NARS2: variants seen among roughly 807,000 people sequenced by gnomAD.
NARS2 encodes the protein asparaginyl-tRNA synthetase 2, mitochondrial.
Under a neutral mutation model 62.9 loss-of-function variants are expected in NARS2, and 60 were observed. That is an observed-to-expected ratio of 0.95 (90% CI 0.77 to 1.18). The LOEUF (loss-of-function observed/expected upper bound fraction) is 1.18, where lower values mean the gene tolerates loss of function less well. Ranked by LOEUF, NARS2 falls within the 50% of genes most tolerant of loss-of-function variation. The pLI is 0.00. For synonymous variants in NARS2, 196 were observed against 200.0 expected, an observed-to-expected ratio of 0.98 and a Z score of 0.17; for missense variants, 619 against 576.4, an observed-to-expected ratio of 1.07 and a Z score of -0.76.
chr11:78,482,714 G>T (rs1859408993), intron 7 of NARS2, among the ~76,000 whole-genome samples: 1 of 152,096 alleles, frequency 6.6e-6, no homozygotes, highest in Non-Finnish European at 1.5e-5. Context: ...TCCCTGAATA[G>T]ACCAATAACA....
At chr11:78,552,579 T>A (rs1039623596) in intron 5 of NARS2, among the ~76,000 whole-genome samples, 1 of 152,158 alleles carries the variant, frequency 6.6e-6, no homozygotes, top group Non-Finnish European at 1.5e-5. Context: ...TTCAAAGTCA[T>A]CCCTCTGCTC....
chr11:78,542,828 G>A (rs1326169692), intron 5 of NARS2, among the ~76,000 whole-genome samples: 1 of 151,846 alleles, frequency 6.6e-6, no homozygotes, highest in African/African-American at 2.4e-5. Context: ...GAGCTCAGGA[G>A]GTCAAGGCTG....
intron 5 of NARS2, chr11:78,555,162 G>A (rs1248183803): frequency 6.6e-6 from 1 of 152,152 alleles, no homozygotes; most frequent in Non-Finnish European, 1.5e-5. Flanking sequence ...CTGCATCAAT[G>A]TTCATCAAGG....
chr11:78,482,987 TTAATA>T (rs2135283174), intron 7 of NARS2, among the ~76,000 whole-genome samples: 1 of 152,294 alleles, frequency 6.6e-6, no homozygotes, highest in East Asian at 1.9e-4. Context: ...ACGAAAATCC[TTAATA>T]TAATACTGGC....
intron 11 of NARS2, among the ~76,000 whole-genome samples, chr11:78,464,971 C>T (rs1456662490): frequency 2.0e-5 from 3 of 152,256 alleles, no homozygotes; most frequent in African/African-American, 7.2e-5. Flanking sequence ...CATGCGCCTG[C>T]ACTCCTCAGC....
rs10751292 is a variant in NARS2 at position 78,531,155 on chromosome 11, C to A, written c.595-2219G>T. ...AAAGAAAAAAAATGAACAAAACTGT[C>A]AGAATCAATTGTGGGAACTCTCGAA... On this transcript the variant is annotated intron_variant, in intron 5 of 13. Transcript: ENST00000281038. Among the ~76,000 whole-genome samples the A allele has an allele frequency of 1.2e-3, 183 of 151,918 alleles. 1 individual carries two copies. Among genetic ancestry groups the A allele is most frequent in the Admixed American group, 3.7e-3 (57 of 15,274 alleles).
chr11:78,462,271 T>C (rs1036744232), intron 11 of NARS2, among the ~76,000 whole-genome samples: 5 of 152,210 alleles, frequency 3.3e-5, no homozygotes, highest in African/African-American at 9.6e-5. Flanking sequence ...TTTTGTAATA[T>C]AGGCTCAATA....
At chr11:78,453,387 T>C (rs1488519968) in intron 11 of NARS2, among the ~76,000 whole-genome samples, 1 of 152,116 alleles carries the variant, frequency 6.6e-6, no homozygotes. Flanking sequence ...CTGATTTCTA[T>C]TTATGACACT....
At chr11:78,521,284 T>G (rs1406837762) in intron 6 of NARS2, among the ~76,000 whole-genome samples, 1 of 151,670 alleles carries the variant, frequency 6.6e-6, no homozygotes, top group Non-Finnish European at 1.5e-5. Flanking sequence ...CTTGCCTTAC[T>G]CTCCCAAGTA....
intron 5 of NARS2, among the ~76,000 whole-genome samples, chr11:78,555,794 C>A (rs1856329990): frequency 6.6e-6 from 1 of 152,120 alleles, no homozygotes; most frequent in Admixed American, 6.6e-5. Flanking sequence ...TGAGAACTTT[C>A]TAACTTTTTG....
intron 5 of NARS2, among the ~76,000 whole-genome samples, chr11:78,543,037 G>C (rs888311402): frequency 6.6e-6 from 1 of 152,206 alleles, no homozygotes; most frequent in African/African-American, 2.4e-5. Context: ...AGTTAGCCAA[G>C]TACGGTGGTG....
chr11:78,517,048 G>A (rs1470958624), intron 6 of NARS2, among the ~76,000 whole-genome samples: 1 of 152,170 alleles, frequency 6.6e-6, no homozygotes, highest in Non-Finnish European at 1.5e-5. Flanking sequence ...ACAAAGGCAT[G>A]GCGAAAGCAA....
At position 78,477,250 on chromosome 11, in the gene NARS2, A is replaced by G. The variant is rs12791300; in HGVS notation, c.959+1188T>C. Among the ~76,000 whole-genome samples, 1,296 of 152,278 alleles carry G rather than the reference A, an allele frequency of 8.5e-3. 17 individuals are homozygous for G. Among genetic ancestry groups the G allele is most frequent in the Admixed American group, 0.015 (229 of 15,282 alleles). On this transcript the variant is annotated intron_variant, in intron 9 of 13. Transcript: ENST00000281038. ...ATATACTCATGCCCAAGACTGTCTT[A>G]TAAAACTCCAGACCCACACTTTCAG...
chr11:78,454,339 G>T (rs897381231), intron 11 of NARS2, among the ~76,000 whole-genome samples: 1 of 152,156 alleles, frequency 6.6e-6, no homozygotes, highest in Non-Finnish European at 1.5e-5. Flanking sequence ...TGGATCATGG[G>T]GGTGGCCTCC....
chr11:78,443,194 C>T (rs1192761884), intron 12 of NARS2, among the ~76,000 whole-genome samples: 3 of 151,730 alleles, frequency 2.0e-5, no homozygotes, highest in Admixed American at 2.0e-4. Context: ...GGCGTGGTGG[C>T]GGGCGCCTGT....
intron 5 of NARS2, among the ~76,000 whole-genome samples, chr11:78,556,147 T>C (rs75648356): frequency 0.033 from 4,947 of 149,368 alleles, 267 homozygotes; most frequent in African/African-American, 0.12. Flanking sequence ...AGAATGTATA[T>C]TGTCTATGCC....
intron 7 of NARS2, among the ~76,000 whole-genome samples, chr11:78,480,202 G>C (rs773174936): frequency 2.6e-5 from 4 of 152,106 alleles, no homozygotes; most frequent in Admixed American, 6.6e-5. Context: ...ACCTGGCCTA[G>C]TGGCATTTGC....
At chr11:78,534,356 G>A (rs1343933849) in intron 5 of NARS2, among the ~76,000 whole-genome samples, 1 of 152,128 alleles carries the variant, frequency 6.6e-6, no homozygotes, top group Non-Finnish European at 1.5e-5. Context: ...TTTTTAGTGT[G>A]CTTTGTGCAT....
At chr11:78,453,121 AAGG>A (rs1858032807) in intron 11 of NARS2, among the ~76,000 whole-genome samples, 1 of 152,208 alleles carries the variant, frequency 6.6e-6, no homozygotes, top group Admixed American at 6.5e-5. Context: ...AACTAAGCAG[AAGG>A]AGTTTAGCTC....
Sources: gnomAD v4.1 joint callset for allele counts (sites outside exome capture counted in the v4.1 genomes callset) on GRCh38, gnomAD v4.1.1 for gene constraint, MANE v1.5 for transcripts, NCBI Gene and HGNC (gene_info 2026-07-23, HGNC 2026-07-21) for gene names.